Variants in STAG1 observed in about 807,000 individuals in gnomAD.
STAG1 encodes cohesin subunit SA-1.
Under a neutral mutation model 170.9 loss-of-function variants are expected in STAG1, and 26 were observed. The observed-to-expected ratio is 0.15, with a 90% CI of 0.11 to 0.21. The LOEUF is 0.21. STAG1 is among the 10% of genes least tolerant of loss of function. The pLI is 1.00. For missense variants in STAG1, 964 were observed against 1,509.5 expected (o/e 0.64, Z 5.99); for synonymous variants, 514 against 497.7 (o/e 1.03, Z -0.44).
chr3:136,745,474 T>C (rs1934888609), intron 1 of STAG1, among the ~76,000 whole-genome samples: 1 of 152,166 alleles, frequency 6.6e-6, no homozygotes, highest in Admixed American at 6.5e-5. Flanking sequence ...TCAGAAGGTT[T>C]CAGGATAAAA....
At chr3:136,529,577 C>T (rs1271891267) in intron 6 of STAG1, among the ~76,000 whole-genome samples, 1 of 152,142 alleles carries the variant, frequency 6.6e-6, no homozygotes, top group Non-Finnish European at 1.5e-5. Flanking sequence ...GGAGAAATAA[C>T]ATTTTTCCCA....
At chr3:136,559,055 T>C (rs1021901003) in intron 5 of STAG1, among the ~76,000 whole-genome samples, 1 of 152,162 alleles carries the variant, frequency 6.6e-6, no homozygotes, top group African/African-American at 2.4e-5. Context: ...AAAGGCACTT[T>C]ATATTCAGTC....
At chr3:136,448,806 G>A (rs1002859833) in intron 14 of STAG1, among the ~76,000 whole-genome samples, 2 of 152,120 alleles carry the variant, frequency 1.3e-5, no homozygotes, top group Non-Finnish European at 2.9e-5. Flanking sequence ...AGGCGTGGTG[G>A]CGCATGCCTC....
chr3:136,478,396 C>T (rs9878871), intron 9 of STAG1, among the ~76,000 whole-genome samples: 6,166 of 152,266 alleles, frequency 0.04, 173 homozygotes, highest in South Asian at 0.07. Context: ...TAAACAAATA[C>T]AATGTTAACA....
intron 9 of STAG1, among the ~76,000 whole-genome samples, chr3:136,499,422 A>G (rs549777435): frequency 6.6e-6 from 1 of 152,250 alleles, no homozygotes. Context: ...TTAGCCTCCC[A>G]AAGTGTTAGG....
chr3:136,652,619 A>AC (rs1216149776), intron 1 of STAG1, among the ~76,000 whole-genome samples: 1 of 152,226 alleles, frequency 6.6e-6, no homozygotes. Flanking sequence ...GATCATCTAC[A>AC]AAGAAAAACA....
intron 22 of STAG1, among the ~76,000 whole-genome samples, chr3:136,398,439 G>C (rs2087229958): frequency 6.6e-6 from 1 of 151,936 alleles, no homozygotes; most frequent in African/African-American, 2.4e-5. Flanking sequence ...CTTTTTAATA[G>C]CATGTTACCT....
At chr3:136,727,722 A>G (rs902513503) in intron 1 of STAG1, among the ~76,000 whole-genome samples, 1 of 152,164 alleles carries the variant, frequency 6.6e-6, no homozygotes, top group African/African-American at 2.4e-5. Context: ...ACCAAAGCCA[A>G]CTCATCACAA....
chr3:136,685,596 A>G (rs1942492737), intron 1 of STAG1, among the ~76,000 whole-genome samples: 1 of 152,228 alleles, frequency 6.6e-6, no homozygotes, highest in Non-Finnish European at 1.5e-5. Flanking sequence ...ATAGACAGAT[A>G]AACTGTGCTA....
intron 1 of STAG1, among the ~76,000 whole-genome samples, chr3:136,649,752 T>C (rs1483134740): frequency 6.7e-6 from 1 of 149,480 alleles, no homozygotes; most frequent in Non-Finnish European, 1.5e-5. Context: ...CTCGTTTCCG[T>C]AGCAAAAAAA....
intron 20 of STAG1, among the ~76,000 whole-genome samples, chr3:136,418,402 G>GAAAAAAAA (rs1559789147): frequency 2.2e-5 from 2 of 89,392 alleles, no homozygotes; most frequent in African/African-American, 1.0e-4. Context: ...AAAAAAAAAG[G>GAAAAAAAA]TTTTTTTCAT....
At chr3:136,672,645 G>C (rs959733479) in intron 1 of STAG1, among the ~76,000 whole-genome samples, 1 of 152,040 alleles carries the variant, frequency 6.6e-6, no homozygotes, top group Non-Finnish European at 1.5e-5. Context: ...TCAACAACTA[G>C]AGTACTTAGA....
intron 4 of STAG1, among the ~76,000 whole-genome samples, chr3:136,601,986 T>G (rs1174735000): frequency 6.6e-6 from 1 of 152,178 alleles, no homozygotes; most frequent in Admixed American, 6.5e-5. Flanking sequence ...GATAAGAGTT[T>G]GTTAATATTA....
At chr3:136,639,127 A>G (rs1377983268) in intron 1 of STAG1, among the ~76,000 whole-genome samples, 2 of 151,556 alleles carry the variant, frequency 1.3e-5, no homozygotes, top group African/African-American at 2.4e-5. Flanking sequence ...CATGCATATT[A>G]TAAGAAAAGT....
intron 4 of STAG1, among the ~76,000 whole-genome samples, chr3:136,595,717 A>C (rs1413402158): frequency 7.5e-6 from 1 of 133,336 alleles, no homozygotes; most frequent in African/African-American, 2.6e-5. Context: ...TAAATAAATA[A>C]ATAAATAAAT....
chr3:136,433,519 A>C, intron 16 of STAG1, 37 bp downstream of exon 16: 1 of 1,495,798 alleles, frequency 6.7e-7, no homozygotes. Context: ...ATTGCCATTA[A>C]AAACCTTTTA....
intron 14 of STAG1, among the ~76,000 whole-genome samples, chr3:136,446,354 T>A: frequency 6.6e-6 from 1 of 152,300 alleles, no homozygotes; most frequent in South Asian, 2.1e-4. Context: ...ATAATCTGCA[T>A]ATAGAGTCTA....
chr3:136,747,179 A>C (rs2107957984), intron 1 of STAG1, among the ~76,000 whole-genome samples: 1 of 148,026 alleles, frequency 6.8e-6, no homozygotes, highest in South Asian at 2.2e-4. Flanking sequence ...AGGCTGGGGC[A>C]GGAGAATCAC....
At chr3:136,722,039 T>C (rs1933308253) in intron 1 of STAG1, among the ~76,000 whole-genome samples, 1 of 151,896 alleles carries the variant, frequency 6.6e-6, no homozygotes, top group South Asian at 2.1e-4. Context: ...CAAGGCAACA[T>C]GGTGAGACCC....
Sources: allele counts gnomAD v4.1 joint callset (sites outside exome capture counted in the v4.1 genomes callset), GRCh38; gene constraint gnomAD v4.1.1; transcripts MANE v1.5; gene names NCBI Gene and HGNC (gene_info 2026-07-23, HGNC 2026-07-21).